DMXL2: variants seen among roughly 807,000 people sequenced by gnomAD.
The protein encoded by DMXL2 is Dmx like 2, also known as dmX-like protein 2.
DMXL2 carries 103 observed loss-of-function variants against 331.1 expected under a neutral mutation model. That is an observed-to-expected ratio of 0.31 (90% CI 0.27 to 0.37). DMXL2 has a LOEUF of 0.37. Ranked by LOEUF, DMXL2 falls within the 10% of genes least tolerant of loss-of-function variation. DMXL2 has a pLI of 1.00. For synonymous variants in DMXL2, 1,281 were observed against 1,252.1 expected (o/e 1.02, Z -0.49); for missense variants, 3,171 against 3,642.9 (o/e 0.87, Z 3.33).
rs1485633032 is a variant in DMXL2 at position 51,538,253 on chromosome 15, C to T, written c.1305G>A (p.Gln435=). 2 of 1,613,634 alleles carry T rather than the reference C, an allele frequency of 1.2e-6. No homozygotes were observed. The highest frequency in any genetic ancestry group is 8.5e-7 in the Non-Finnish European group (1 of 1,179,782). Residue 435 remains glutamine (Q), a synonymous_variant, in exon 10 of 44, where the codon CAG becomes CAA. Coordinates refer to ENST00000560891, the MANE Select transcript of DMXL2 (RefSeq NM_001378457.1). ...DADREDEEHS[Q]EDRERGLHMK... ...TATGTAAACCCCGTTCTCTATCCTC[C>T]TGTGAATGTTCCTCATCTTCTCTAT... is the stretch of plus-strand genomic sequence containing the variant.
rs761491009 is a variant in DMXL2, at chr15:51,498,549, T to C, written c.4672+3A>G. The stretch of plus-strand genomic sequence containing the variant: ...TTTATAAATTTTTAGCGAGAATATT[T>C]ACCTGAGCAACTCTTATCTCTGCTT... On this transcript the variant is annotated splice_donor_region_variant and intron_variant, in intron 18 of 43. Coordinates refer to ENST00000560891, the MANE Select transcript of DMXL2 (RefSeq NM_001378457.1). The C allele has an allele frequency of 6.2e-7, 1 of 1,601,776 alleles. No homozygotes were observed. Among genetic ancestry groups the C allele is most frequent in the Non-Finnish European group, 8.5e-7 (1 of 1,174,752 alleles).
chr15:51,534,082 A>G (rs4462536), intron 13 of DMXL2, among the ~76,000 whole-genome samples: 104,874 of 152,034 alleles, frequency 0.69, 36,707 homozygotes, highest in Non-Finnish European at 0.76. Context: ...TTTAGCAGAG[A>G]GCAGGGAGGG....
At chr15:51,513,627 C>T (rs1434733831) in intron 15 of DMXL2, among the ~76,000 whole-genome samples, 3 of 152,106 alleles carry the variant, frequency 2.0e-5, no homozygotes, top group Admixed American at 1.3e-4. Context: ...TACATAATTT[C>T]GTGATGAAGA....
intron 1 of DMXL2, among the ~76,000 whole-genome samples, chr15:51,599,803 G>A (rs1451920847): frequency 5.9e-5 from 9 of 152,032 alleles, no homozygotes; most frequent in South Asian, 4.1e-4. Context: ...ACGTTCAAGC[G>A]ATTCTTCTGC....
intron 1 of DMXL2, among the ~76,000 whole-genome samples, chr15:51,597,082 A>AT (rs1233808191): frequency 1.3e-5 from 2 of 151,906 alleles, no homozygotes; most frequent in Non-Finnish European, 2.9e-5. Context: ...AATAATAATA[A>AT]AAAAGCAGAC....
chr15:51,453,229 A>T (rs1164698770), intron 41 of DMXL2: 1 of 206,842 alleles, frequency 4.8e-6, no homozygotes, highest in African/African-American at 2.4e-5. Flanking sequence ...CCCCAAACCT[A>T]CTGCAATAAA....
At chr15:51,588,397 G>T (rs966478582) in intron 1 of DMXL2, among the ~76,000 whole-genome samples, 11 of 152,082 alleles carry the variant, frequency 7.2e-5, no homozygotes, top group Non-Finnish European at 1.0e-4. Flanking sequence ...GGGCTCAAGT[G>T]ATCTGGCCAG....
At chr15:51,549,100 C>T (rs2049050962) in intron 6 of DMXL2, among the ~76,000 whole-genome samples, 2 of 152,030 alleles carry the variant, frequency 1.3e-5, no homozygotes. Flanking sequence ...AGTCTTTTAT[C>T]CCTCACTCTC....
chr15:51,554,811 C>A (rs913774082), intron 6 of DMXL2, among the ~76,000 whole-genome samples: 3 of 152,132 alleles, frequency 2.0e-5, no homozygotes, highest in Non-Finnish European at 4.4e-5. Flanking sequence ...AATGGAAAAG[C>A]TTTTGACGGT....
chr15:51,582,952 A>C (rs543419134), intron 1 of DMXL2, among the ~76,000 whole-genome samples: 6 of 152,058 alleles, frequency 3.9e-5, no homozygotes, highest in Admixed American at 1.3e-4. Context: ...ACCCTTCCTG[A>C]AATGTTCAAT....
intron 9 of DMXL2, among the ~76,000 whole-genome samples, chr15:51,540,865 T>G (rs1596184332): frequency 6.6e-6 from 1 of 152,136 alleles, no homozygotes; most frequent in South Asian, 2.1e-4. Context: ...CAAGGCCCAA[T>G]GGCTACAAGA....
chr15:51,581,210 T>G (rs4775954), intron 1 of DMXL2, among the ~76,000 whole-genome samples: 125,648 of 152,086 alleles, frequency 0.83, 52,395 homozygotes, highest in East Asian at 0.99. Context: ...TCATAGGAAC[T>G]CAAGCCCTAT....
chr15:51,473,831 C>G (rs80204429), intron 28 of DMXL2, among the ~76,000 whole-genome samples: 1 of 151,990 alleles, frequency 6.6e-6, no homozygotes, highest in Non-Finnish European at 1.5e-5. Context: ...ACTAAAGGAA[C>G]CTATTTTGGA....
intron 33 of DMXL2, among the ~76,000 whole-genome samples, chr15:51,460,772 G>A (rs772368492): frequency 1.3e-5 from 2 of 152,090 alleles, no homozygotes; most frequent in East Asian, 1.9e-4. Flanking sequence ...TGAGCCTAAC[G>A]ACGAGTTTTT....
intron 1 of DMXL2, among the ~76,000 whole-genome samples, chr15:51,621,476 G>T (rs1410405367): frequency 2.6e-5 from 4 of 152,236 alleles, no homozygotes; most frequent in East Asian, 3.9e-4. Flanking sequence ...TTTAATAAAG[G>T]TCTGGCTGCC....
chr15:51,573,400 T>C (rs2050800085), intron 2 of DMXL2, among the ~76,000 whole-genome samples: 1 of 152,212 alleles, frequency 6.6e-6, no homozygotes, highest in Admixed American at 6.5e-5. Context: ...TGCACATGTA[T>C]GTTTATTGTA....
intron 29 of DMXL2, among the ~76,000 whole-genome samples, chr15:51,467,725 ACTT>A (rs1188884320): frequency 6.8e-6 from 1 of 147,240 alleles, no homozygotes; most frequent in Non-Finnish European, 1.5e-5. Context: ...TGGACCTAGT[ACTT>A]CTTTTTTTTT....
Position 51,560,711 on chromosome 15 carries a change from C to G in DMXL2, c.567+2670G>C, listed in dbSNP as rs74724306. 6.3e-3 allele frequency among the ~76,000 whole-genome samples: 944 copies of G among 150,612 alleles called. 8 individuals are homozygous for G. The highest frequency in any genetic ancestry group is 0.022 in the African/African-American group (906 of 41,284). ...AAGAAAAAAAAGAAAAACACAAACT[C>G]TGTTAAGTTCAGAACTGTGGAAAAC... On this transcript the variant is annotated intron_variant, in intron 6 of 43. Transcript: ENST00000560891.
At chr15:51,593,713 G>A (rs1272889006) in intron 1 of DMXL2, among the ~76,000 whole-genome samples, 3 of 152,238 alleles carry the variant, frequency 2.0e-5, no homozygotes, top group South Asian at 2.1e-4. Context: ...ATAACAAACT[G>A]TCTCTCAGAC....
Sources: allele counts gnomAD v4.1 joint callset (sites outside exome capture counted in the v4.1 genomes callset), GRCh38; gene constraint gnomAD v4.1.1; transcripts MANE v1.5; gene names NCBI Gene and HGNC (gene_info 2026-07-23, HGNC 2026-07-21).